DOCK6: variants seen among roughly 807,000 people sequenced by gnomAD.
DOCK6 encodes the protein dedicator of cytokinesis protein 6.
A neutral mutation model predicts 230.3 loss-of-function variants in DOCK6; 167 were observed. The observed-to-expected ratio is 0.73, with a 90% CI of 0.64 to 0.82. The LOEUF (loss-of-function observed/expected upper bound fraction) is 0.82, where lower values mean the gene tolerates loss of function less well. Ranked by LOEUF, DOCK6 falls within the 40% of genes least tolerant of loss-of-function variation. The pLI, the probability that DOCK6 is intolerant of heterozygous loss-of-function variation, is 0.00. For synonymous variants in DOCK6, 1,148 were observed against 1,185.0 expected (o/e 0.97, Z 0.64); for missense variants, 2,598 against 2,825.8 (o/e 0.92, Z 1.83).
chr19:11,244,022 G>GGGA, intron 9 of DOCK6, 140 bp from the exon 10 acceptor site: 1 of 881,862 alleles, frequency 1.1e-6, no homozygotes, highest in African/African-American at 1.7e-5. Flanking sequence ...CACCTCCCAT[G>GGGA]GCTCCCGCTG....
At chr19:11,257,196 T>G (rs2080211376) in intron 1 of DOCK6, among the ~76,000 whole-genome samples, 1 of 150,522 alleles carries the variant, frequency 6.6e-6, no homozygotes, top group Admixed American at 6.6e-5. Flanking sequence ...GGGGTCTCAC[T>G]ATGTTGCCTA....
At position 11,202,870 on chromosome 19, in the gene DOCK6, T is replaced by G. The variant is rs2079194357; in HGVS notation, c.5236-161A>C. 6.6e-6 allele frequency among the ~76,000 whole-genome samples: 1 copy of G among 151,528 alleles called. No homozygotes were observed. The highest frequency in any genetic ancestry group is 6.6e-5 in the Admixed American group (1 of 15,190). On this transcript the variant is annotated intron_variant, in intron 41 of 47. Coordinates refer to ENST00000294618, the MANE Select transcript of DOCK6 (RefSeq NM_020812.4). The surrounding 1 kb of genome is among the most constrained non-coding windows in gnomAD (Gnocchi z 5.3). ...GGCCCTGAGAACATTGGGGCATGGA[T>G]TGCAATAGGAAGTTAGGACTGGGGC...
Position 11,243,074 on chromosome 19 carries a change from G to C in DOCK6, c.1465C>G (p.Leu489Val). 6.2e-7 allele frequency: 1 copy of C among 1,613,940 alleles called. No individual in the cohort carries two copies. ...MRRPSSLLRR[L>V]RPVTAQLKID... ...TGCCACGCACCAGTCACAGGACGTA[G>C]TCGCCGCAGCAGGGACGACGGGCGC... Residue 489 changes from leucine to valine, a missense_variant, in exon 13 of 48, where the codon CTA becomes GTA. Transcript: ENST00000294618. This position sits in a 1 kb window ranked among gnomAD's most constrained non-coding sequence, Gnocchi z 6.3.
At chr19:11,214,681 C>T (rs1018855283) in intron 32 of DOCK6, 32 bp from the exon 33 acceptor site, 1 of 1,602,046 alleles carries the variant, frequency 6.2e-7, no homozygotes. Flanking sequence ...TGGGGGCCCA[C>T]TCGGGGTGAG....
chr19:11,205,219 CT>C (rs955665253), intron 39 of DOCK6, among the ~76,000 whole-genome samples: 1 of 152,036 alleles, frequency 6.6e-6, no homozygotes, highest in African/African-American at 2.4e-5. Context: ...TTTTCGTAAT[CT>C]TTTTTTTAAT....
chr19:11,236,615 G>A lies in DOCK6; in HGVS notation c.2161-38C>T, dbSNP rs755183637. Reference sequence around the variant, plus strand: ...GTGGAGTGAGCAGGGTGGGGCCTCAGGGAATGAAGACCACCCCTGCCTGAA... The same window carrying A: ...GTGGAGTGAGCAGGGTGGGGCCTCAAGGAATGAAGACCACCCCTGCCTGAA... On this transcript the variant is annotated intron_variant, in intron 19 of 47. Coordinates refer to ENST00000294618, the MANE Select transcript of DOCK6 (RefSeq NM_020812.4). The surrounding 1 kb of genome is among the most constrained non-coding windows in gnomAD (Gnocchi z 5.2). 5.2e-6 allele frequency: 8 copies of A among 1,535,618 alleles called. No homozygotes were observed. The African/African-American group carries it at 8.2e-5, about 16-fold the overall frequency.
intron 1 of DOCK6, among the ~76,000 whole-genome samples, chr19:11,261,408 C>G (rs1350305384): frequency 7.1e-6 from 1 of 141,712 alleles, no homozygotes; most frequent in Non-Finnish European, 1.5e-5. Context: ...AGGTAATCTA[C>G]TCGATCAGGC....
intron 1 of DOCK6, among the ~76,000 whole-genome samples, chr19:11,257,798 A>G (rs1418557603): frequency 6.6e-6 from 1 of 152,052 alleles, no homozygotes; most frequent in African/African-American, 2.4e-5. Flanking sequence ...CAAGAAAAAA[A>G]AAAAATCCAT....
chr19:11,251,941 C>A (rs759035618), intron 5 of DOCK6, 178 bp downstream of exon 5: 1 of 890,348 alleles, frequency 1.1e-6, no homozygotes, highest in Non-Finnish European at 1.7e-6. Flanking sequence ...CTTCAGTACA[C>A]CCTAAGCACT....
chr19:11,229,096 G>C, intron 22 of DOCK6, 61 bp from the exon 23 acceptor site: 1 of 1,517,822 alleles, frequency 6.6e-7, no homozygotes, highest in Non-Finnish European at 9.0e-7. Context: ...ACCCCCTCTG[G>C]AGACATGCCA....
At chr19:11,250,289 G>T (rs2080097283) in intron 6 of DOCK6, among the ~76,000 whole-genome samples, 2 of 149,508 alleles carry the variant, frequency 1.3e-5, no homozygotes, top group Non-Finnish European at 3.0e-5. Flanking sequence ...GGGATTATAG[G>T]TGTGAGCCAC....
intron 24 of DOCK6, among the ~76,000 whole-genome samples, chr19:11,226,379 C>T (rs958655264): frequency 4.6e-5 from 7 of 152,118 alleles, no homozygotes; most frequent in Admixed American, 3.9e-4. Flanking sequence ...CGATCCAAGG[C>T]CGGGCGCGGT....
rs1442078932 is a variant in DOCK6, at chr19:11,216,899, C to G, written c.3894+15G>C. The G allele has an allele frequency of 6.2e-6, 10 of 1,613,162 alleles. No individual in the cohort carries two copies. Among genetic ancestry groups the G allele is most frequent in the Non-Finnish European group, 8.5e-6 (10 of 1,179,368 alleles). ...AGCCTGCCTCCTCCATCATCTCCTG[C>G]CCACGCCCTCAAACCTTGTACTCAA... On this transcript the variant is annotated intron_variant, in intron 30 of 47. Coordinates refer to ENST00000294618, the MANE Select transcript of DOCK6 (RefSeq NM_020812.4).
chr19:11,206,972 T>C (rs915686915), intron 39 of DOCK6, among the ~76,000 whole-genome samples: 4 of 151,888 alleles, frequency 2.6e-5, no homozygotes, highest in Non-Finnish European at 5.9e-5. Flanking sequence ...GTAGCTGGGA[T>C]TACAGACACC....
At chr19:11,216,828 C>T in intron 30 of DOCK6, 86 bp downstream of exon 30, 7 of 1,381,162 alleles carry the variant, frequency 5.1e-6, no homozygotes, top group Non-Finnish European at 7.2e-6. Context: ...ACAGTCCACC[C>T]CTTCCCACTC....
intron 29 of DOCK6, 22 bp from the exon 30 acceptor site, chr19:11,217,118 A>G: frequency 1.2e-6 from 2 of 1,602,932 alleles, no homozygotes; most frequent in Non-Finnish European, 1.7e-6. Context: ...GAGGAATCAA[A>G]GTCAATTTCC....
At position 11,227,553 on chromosome 19, in the gene DOCK6, T is replaced by C. The variant is rs571254866; in HGVS notation, c.2815-76A>G. On this transcript the variant is annotated intron_variant, in intron 23 of 47. Transcript: ENST00000294618. ...GGACTTGAAGGGCTGTGGGTGGGGC[T>C]TGAAGGGCTGTGGGTGGGGCTTGAA... 1.1e-4 allele frequency: 167 copies of C among 1,505,054 alleles called. 1 individual carries two copies. In the East Asian group the frequency reaches 2.2e-3, roughly 20 times the overall value. The allele number at this position is 1,505,054 out of a possible 1,614,324, so 93.2% of individuals were successfully genotyped here.
intron 1 of DOCK6, 40 bp from the exon 2 acceptor site, chr19:11,253,766 T>A: frequency 7.4e-7 from 1 of 1,346,850 alleles, no homozygotes; most frequent in South Asian, 1.5e-5. Context: ...ACGGGAAAAC[T>A]CAGGCAGCGG....
Position 11,214,612 on chromosome 19 carries a change from C to T in DOCK6, c.4144G>A (p.Gly1382Arg). Residue 1382 changes from glycine to arginine, a missense_variant, in exon 33 of 48, where the codon GGG (glycine) becomes AGG (arginine). Coordinates refer to ENST00000294618, the MANE Select transcript of DOCK6 (RefSeq NM_020812.4). ...AGGCTTGCCTCGGTTGCCAGGTTCC[C>T]TTCCACCAAGGCCTCGTGTTCCATT... The part of the protein sequence containing the change: ...DEMEHEALVE[G>R]NLATEASLVV... 6.2e-7 allele frequency: 1 copy of T among 1,613,844 alleles called. No homozygotes were observed. Among genetic ancestry groups the T allele is most frequent in the South Asian group, 1.1e-5 (1 of 91,076 alleles).
Sources: gnomAD v4.1 joint callset for allele counts (sites outside exome capture counted in the v4.1 genomes callset) on GRCh38, gnomAD v4.1.1 for gene constraint, Gnocchi (gnomAD v3.1) non-coding constraint, MANE v1.5 for transcripts, NCBI Gene and HGNC (gene_info 2026-07-23, HGNC 2026-07-21) for gene names.